The following LRRC7 variants were observed in gnomAD, a reference collection of about 807,000 sequenced individuals.
LRRC7 encodes the protein leucine-rich repeat-containing protein 7.
A neutral mutation model predicts 175.7 loss-of-function variants in LRRC7; 23 were observed. That is an observed-to-expected ratio of 0.13 (90% CI 0.09 to 0.19). LRRC7 has a LOEUF of 0.19. Ranked by LOEUF, LRRC7 falls within the 10% of genes least tolerant of loss-of-function variation. The probability of loss-of-function intolerance (pLI) is 1.00; values close to 1 mark genes in which losing one functional copy is unlikely to be tolerated. For synonymous variants in LRRC7, 685 were observed against 680.9 expected, an observed-to-expected ratio of 1.01 and a Z score of -0.09; for missense variants, 1,354 against 1,904.7, an observed-to-expected ratio of 0.71 and a Z score of 5.38.
chr1:69,950,395 G>T (rs1453296989), intron 8 of LRRC7, among the ~76,000 whole-genome samples: 1 of 152,104 alleles, frequency 6.6e-6, no homozygotes, highest in Non-Finnish European at 1.5e-5. Context: ...TGGAAAGCTT[G>T]AAGAAATTAT....
chr1:69,676,656 G>T (rs1188191028), intron 1 of LRRC7, among the ~76,000 whole-genome samples: 1 of 151,974 alleles, frequency 6.6e-6, no homozygotes, highest in Non-Finnish European at 1.5e-5. Context: ...TAACTGAAAG[G>T]TACAATTTAT....
intron 1 of LRRC7, among the ~76,000 whole-genome samples, chr1:69,648,431 CCTT>C (rs1417308981): frequency 1.4e-4 from 21 of 152,018 alleles, no homozygotes; most frequent in Admixed American, 1.4e-3. Flanking sequence ...CAATTATTGT[CCTT>C]CTTCTGCCTT....
chr1:69,582,381 C>G (rs1245058), intron 1 of LRRC7, among the ~76,000 whole-genome samples: 1 of 152,050 alleles, frequency 6.6e-6, no homozygotes, highest in African/African-American at 2.4e-5. Flanking sequence ...TCTCTTTACC[C>G]AATCTTCTCA....
chr1:70,086,679 C>T (rs1663635833), intron 24 of LRRC7, among the ~76,000 whole-genome samples: 1 of 152,034 alleles, frequency 6.6e-6, no homozygotes, highest in African/African-American at 2.4e-5. Flanking sequence ...GCAGAGGCTG[C>T]AGTGAGCCAA....
At chr1:69,770,793 A>G (rs547024861) in intron 3 of LRRC7, among the ~76,000 whole-genome samples, 53 of 152,326 alleles carry the variant, frequency 3.5e-4, no homozygotes, top group African/African-American at 1.2e-3. Flanking sequence ...AGCCCCACAT[A>G]TATCTATGGA....
chr1:69,710,211 G>C (rs558510982), intron 2 of LRRC7, among the ~76,000 whole-genome samples: 1 of 148,794 alleles, frequency 6.7e-6, no homozygotes, highest in Non-Finnish European at 1.5e-5. Flanking sequence ...CCCTGGAGGC[G>C]GAGGTTGCAG....
chr1:70,012,036 A>G (rs1656559523), intron 12 of LRRC7, 110 bp downstream of exon 12: 1 of 650,708 alleles, frequency 1.5e-6, no homozygotes, highest in Non-Finnish European at 2.5e-6. Context: ...CTGTGAATAT[A>G]TATAGGAATT....
intron 13 of LRRC7, among the ~76,000 whole-genome samples, chr1:70,016,071 G>A (rs1244609594): frequency 2.0e-5 from 3 of 152,162 alleles, no homozygotes; most frequent in Non-Finnish European, 4.4e-5. Context: ...TGGCATTTAA[G>A]CTAAGAGTGA....
intron 2 of LRRC7, among the ~76,000 whole-genome samples, chr1:69,757,354 A>G (rs1016671468): frequency 4.6e-5 from 7 of 151,966 alleles, no homozygotes; most frequent in African/African-American, 1.4e-4. Context: ...TAATTACCTT[A>G]GGGGAGAACC....
In LRRC7 at chr1:70,135,470, C is replaced by G. The variant is rs956541132; in HGVS notation, c.*13583C>G. Among the ~76,000 whole-genome samples the G allele has an allele frequency of 6.6e-6, 1 of 152,142 alleles. No individual in the cohort carries two copies. Among genetic ancestry groups the G allele is most frequent in the Admixed American group, 6.6e-5 (1 of 15,264 alleles). On this transcript the variant is annotated 3_prime_UTR_variant, in exon 27 of 27. Coordinates refer to ENST00000651989, the MANE Select transcript of LRRC7 (RefSeq NM_001370785.2). Reference sequence around the variant, plus strand: ...ATCTAGGCTGGGTTGGGGTGCAGGACCCCCAGCAGCTGTGGGAAGAGAAGA... The same window carrying G: ...ATCTAGGCTGGGTTGGGGTGCAGGAGCCCCAGCAGCTGTGGGAAGAGAAGA...
In LRRC7 at chr1:69,625,562, G is replaced by T. The variant is rs1047449776; in HGVS notation, c.3-52819G>T. On this transcript the variant is annotated intron_variant, in intron 1 of 26. Transcript: ENST00000651989. The stretch of plus-strand genomic sequence containing the variant: ...TCTTAAGAACTGTAAATGAATGCTT[G>T]ATTACTTATATCCAGACTTTATTTT... Among the ~76,000 whole-genome samples the T allele has an allele frequency of 6.3e-5, 9 of 142,992 alleles. No individual in the cohort carries two copies. In the South Asian group the frequency reaches 6.7e-4, roughly 11 times the overall value. 93.8% of individuals were successfully genotyped at this position (142,992 alleles called of 152,430 possible).
At chr1:69,820,253 T>C (rs187260974) in intron 4 of LRRC7, among the ~76,000 whole-genome samples, 401 of 152,264 alleles carry the variant, frequency 2.6e-3, no homozygotes, top group Non-Finnish European at 4.6e-3. Context: ...TGTTATAACA[T>C]CTTATAGTTA....
At chr1:69,572,786 A>G (rs1645790487) in intron 1 of LRRC7, among the ~76,000 whole-genome samples, 1 of 152,148 alleles carries the variant, frequency 6.6e-6, no homozygotes. Context: ...AAAGGGGTAC[A>G]TGAAATGTGG....
intron 8 of LRRC7, among the ~76,000 whole-genome samples, chr1:69,941,795 C>T (rs1265457017): frequency 1.3e-5 from 2 of 151,988 alleles, no homozygotes; most frequent in Non-Finnish European, 2.9e-5. Flanking sequence ...TTCCCCCTTA[C>T]ATTTTGGTTT....
rs1287463014 is a variant in LRRC7 at position 69,823,186 on chromosome 1, G to T, written c.422-2562G>T. 5.9e-5 allele frequency among the ~76,000 whole-genome samples: 9 copies of T among 152,064 alleles called. No homozygotes were observed. The East Asian group carries it at 1.7e-3, about 29-fold the overall frequency. On this transcript the variant is annotated intron_variant, in intron 4 of 26. Transcript: ENST00000651989. ...CTAATCTGAAATAATCTTATTCATT[G>T]TTTGAAATTACTGAAATATTCTTGA...
chr1:69,847,499 C>T (rs1682507318), intron 7 of LRRC7, among the ~76,000 whole-genome samples: 15 of 152,058 alleles, frequency 9.9e-5, no homozygotes, highest in Admixed American at 9.8e-4. Flanking sequence ...ACATGGAAAT[C>T]ATCCTCCTTG....
chr1:70,096,826 T>A (rs929291557), intron 25 of LRRC7, among the ~76,000 whole-genome samples: 6 of 152,220 alleles, frequency 3.9e-5, no homozygotes, highest in African/African-American at 7.2e-5. Context: ...AAGGTGTTCA[T>A]TTCTGGGCCA....
At chr1:69,973,005 C>A (rs1009982742) in intron 8 of LRRC7, among the ~76,000 whole-genome samples, 4 of 139,588 alleles carry the variant, frequency 2.9e-5, no homozygotes, top group Non-Finnish European at 4.6e-5. Flanking sequence ...CTACTAGATA[C>A]TATATATATA....
chr1:69,737,373 C>G (rs1189246270), intron 2 of LRRC7, among the ~76,000 whole-genome samples: 2 of 152,086 alleles, frequency 1.3e-5, no homozygotes, highest in Non-Finnish European at 2.9e-5. Flanking sequence ...GAAGACATGC[C>G]TTTGCTCTAA....
Sources: allele counts gnomAD v4.1 joint callset (sites outside exome capture counted in the v4.1 genomes callset), GRCh38; gene constraint gnomAD v4.1.1; transcripts MANE v1.5; gene names NCBI Gene and HGNC (gene_info 2026-07-23, HGNC 2026-07-21).